The following RBFOX3 variants were observed in gnomAD, a reference collection of about 807,000 sequenced individuals.
RBFOX3 encodes RNA binding fox-1 homolog 3.
RBFOX3 carries 17 observed loss-of-function variants against 48.7 expected under a neutral mutation model. That is an observed-to-expected ratio of 0.35 (90% CI 0.24 to 0.52). The LOEUF is 0.52. Ranked by LOEUF, RBFOX3 falls within the 20% of genes least tolerant of loss-of-function variation. The probability of loss-of-function intolerance (pLI) is 0.94; values close to 1 mark genes in which losing one functional copy is unlikely to be tolerated. For synonymous variants in RBFOX3, 212 were observed against 209.5 expected (o/e 1.01, Z -0.10); for missense variants, 382 against 497.5 (o/e 0.77, Z 2.21).
chr17:79,603,202 G>C (rs1007160864), intron 1 of RBFOX3, among the ~76,000 whole-genome samples: 26 of 152,222 alleles, frequency 1.7e-4, no homozygotes, highest in African/African-American at 5.8e-4. Flanking sequence ...ATGTTGACCA[G>C]GCTGGTGTTG....
chr17:79,483,252 C>T (rs2079022935), intron 1 of RBFOX3, among the ~76,000 whole-genome samples: 1 of 151,880 alleles, frequency 6.6e-6, no homozygotes, highest in Admixed American at 6.6e-5. Context: ...GCTTCACGGT[C>T]AACCCCCTTT....
At chr17:79,454,817 AG>A (rs1240352301) in intron 2 of RBFOX3, among the ~76,000 whole-genome samples, 7 of 152,172 alleles carry the variant, frequency 4.6e-5, no homozygotes, top group African/African-American at 1.7e-4. Context: ...GAGCTGAGCC[AG>A]GGTCTCATCT....
In RBFOX3 at chr17:79,392,760, T is replaced by C. The variant is rs1397725357; in HGVS notation, c.-174-84936A>G. On this transcript the variant is annotated intron_variant, in intron 2 of 14. Coordinates refer to ENST00000693108, the MANE Select transcript of RBFOX3 (RefSeq NM_001350451.2). This position sits in a 1 kb window ranked among gnomAD's most constrained non-coding sequence, Gnocchi z 5.0. Reference sequence around the variant, plus strand: ...CAACACCCTCAGGAACCAAGATGCATATGAGCCAGAAATCAACCCGCAATT... The same window carrying C: ...CAACACCCTCAGGAACCAAGATGCACATGAGCCAGAAATCAACCCGCAATT... Among the ~76,000 whole-genome samples the C allele has an allele frequency of 6.6e-6, 1 of 152,140 alleles. No homozygotes were observed. Among genetic ancestry groups the C allele is most frequent in the Non-Finnish European group, 1.5e-5 (1 of 68,040 alleles).
intron 1 of RBFOX3, among the ~76,000 whole-genome samples, chr17:79,512,645 C>T (rs1486300848): frequency 1.4e-5 from 2 of 143,428 alleles, no homozygotes; most frequent in Admixed American, 6.9e-5. Context: ...CCATCGGGTA[C>T]GGCCCCATGG....
chr17:79,202,458 G>A (rs1010591130), intron 4 of RBFOX3, among the ~76,000 whole-genome samples: 1 of 152,196 alleles, frequency 6.6e-6, no homozygotes, highest in African/African-American at 2.4e-5. Flanking sequence ...GGTGCTGGGA[G>A]CAATCCCTTA....
chr17:79,501,308 A>G lies in RBFOX3; in HGVS notation c.-319-18710T>C, dbSNP rs948113623. ...TGGGCGGGCTCAGCCGCCCTGCCAC[A>G]CCTCCACATGTCCAGCGGAAGGTCC... On this transcript the variant is annotated intron_variant, in intron 1 of 14. Transcript: ENST00000693108. 8.2e-4 allele frequency among the ~76,000 whole-genome samples: 125 copies of G among 152,084 alleles called. No individual in the cohort carries two copies. The East Asian group carries it at 0.023, about 28-fold the overall frequency.
intron 2 of RBFOX3, among the ~76,000 whole-genome samples, chr17:79,345,184 C>A (rs1424711657): frequency 6.6e-6 from 1 of 152,302 alleles, no homozygotes; most frequent in East Asian, 1.9e-4. Context: ...CTCTTCTCCA[C>A]CTGTTTGTTT....
In RBFOX3 at chr17:79,090,824, A is replaced by ATT. The variant is rs745889715; in HGVS notation, c.*57_*58dup. 3 of 1,437,900 alleles carry ATT rather than the reference A, an allele frequency of 2.1e-6. No homozygotes were observed. The highest frequency in any genetic ancestry group is 2.8e-6 in the Non-Finnish European group (3 of 1,089,242). The allele number at this position is 1,437,900 out of a possible 1,614,324, so 89.1% of individuals were successfully genotyped here. On this transcript the variant is annotated 3_prime_UTR_variant, in exon 15 of 15. Transcript: ENST00000693108. ...CTTTTTTTGTTTTTTTTGTTTTGTGATTTTTTTTGTTTTTTTGTTTTTGCC... is the reference window on the plus strand; with the variant it reads ...CTTTTTTTGTTTTTTTTGTTTTGTGATTTTTTTTTTGTTTTTTTGTTTTTGCC...
At chr17:79,312,091 G>A (rs936962562) in intron 2 of RBFOX3, among the ~76,000 whole-genome samples, 2 of 152,090 alleles carry the variant, frequency 1.3e-5, no homozygotes, top group Non-Finnish European at 2.9e-5. Flanking sequence ...AGTTAGCAGC[G>A]CTACCGTACT....
chr17:79,554,353 C>CG (rs1599137693), intron 1 of RBFOX3, among the ~76,000 whole-genome samples: 2 of 88,588 alleles, frequency 2.3e-5, no homozygotes, highest in East Asian at 3.2e-4. Context: ...AGTCACCCCT[C>CG]ACCTGGCCCT....
chr17:79,409,338 A>C (rs2148547788), intron 2 of RBFOX3, among the ~76,000 whole-genome samples: 1 of 152,150 alleles, frequency 6.6e-6, no homozygotes, highest in Non-Finnish European at 1.5e-5. Flanking sequence ...TTGAGCCCCC[A>C]CTGCAGTCTT....
chr17:79,207,645 C>T (rs536873292), intron 4 of RBFOX3, among the ~76,000 whole-genome samples: 5 of 152,340 alleles, frequency 3.3e-5, no homozygotes, highest in East Asian at 1.9e-4. Context: ...CTTTGGAACA[C>T]GCCCTCCTCT....
At chr17:79,612,259 A>G (rs1190453190), upstream of RBFOX3, among the ~76,000 whole-genome samples, 1 of 152,238 alleles carries the variant, frequency 6.6e-6, no homozygotes, top group Non-Finnish European at 1.5e-5. Flanking sequence ...ACACACAAAC[A>G]GATCCAAACC....
chr17:79,224,051 G>T (rs1217966144), intron 4 of RBFOX3, among the ~76,000 whole-genome samples: 2 of 152,120 alleles, frequency 1.3e-5, no homozygotes, highest in Non-Finnish European at 2.9e-5. Flanking sequence ...AGTTCTCTGC[G>T]TGTGTCCTGA....
chr17:79,464,969 G>A lies in RBFOX3; in HGVS notation c.-175+17485C>T, dbSNP rs565548253. Among the ~76,000 whole-genome samples, 566 of 152,360 alleles carry A rather than the reference G, an allele frequency of 3.7e-3. 1 individual carries two copies. The highest frequency in any genetic ancestry group is 0.013 in the African/African-American group (535 of 41,574). ...GGCAAGTTAGCAAGTGGGGAACCACGAGGTGGCCCCAGCTCTGAGCCCCCA... is the reference window on the plus strand; with the variant it reads ...GGCAAGTTAGCAAGTGGGGAACCACAAGGTGGCCCCAGCTCTGAGCCCCCA... On this transcript the variant is annotated intron_variant, in intron 2 of 14. Coordinates refer to ENST00000693108, the MANE Select transcript of RBFOX3 (RefSeq NM_001350451.2).
intron 4 of RBFOX3, among the ~76,000 whole-genome samples, chr17:79,152,108 C>T (rs1423589021): frequency 6.6e-6 from 1 of 152,040 alleles, no homozygotes; most frequent in Non-Finnish European, 1.5e-5. Flanking sequence ...TGGACTAGAG[C>T]CAGTCTCAAC....
At chr17:79,384,208 A>G (rs1458658747) in intron 2 of RBFOX3, among the ~76,000 whole-genome samples, 3 of 152,210 alleles carry the variant, frequency 2.0e-5, no homozygotes, top group Non-Finnish European at 2.9e-5. Context: ...CTGAGCCTCC[A>G]GGACTCACTC....
At chr17:79,263,472 C>T (rs955491603) in intron 3 of RBFOX3, among the ~76,000 whole-genome samples, 11 of 152,198 alleles carry the variant, frequency 7.2e-5, no homozygotes, top group East Asian at 1.9e-4. Flanking sequence ...CCAGTCGTGG[C>T]GGGGCCCTGG....
chr17:79,640,573 T>C, the RBFOX3 span, among the ~76,000 whole-genome samples: 434 of 152,196 alleles, frequency 2.9e-3, no homozygotes, highest in African/African-American at 0.01. Flanking sequence ...GCTACAGTAA[T>C]CAAAATATTA....
Sources: gnomAD v4.1 joint callset for allele counts (sites outside exome capture counted in the v4.1 genomes callset) on GRCh38, gnomAD v4.1.1 for gene constraint, Gnocchi (gnomAD v3.1) non-coding constraint, MANE v1.5 for transcripts, NCBI Gene and HGNC (gene_info 2026-07-23, HGNC 2026-07-21) for gene names.